The following RASSF3 variants were observed in gnomAD, a reference collection of about 807,000 sequenced individuals.
The protein encoded by RASSF3 is Ras association domain family member 3.
In RASSF3, 19 loss-of-function variants were observed where a neutral mutation model predicts 19.9. That is an observed-to-expected ratio of 0.96 (90% CI 0.67 to 1.40). RASSF3 has a LOEUF of 1.40. Ranked by LOEUF, RASSF3 falls within the 40% of genes most tolerant of loss-of-function variation. The pLI is 0.00. For missense variants in RASSF3, 306 were observed against 289.8 expected, an observed-to-expected ratio of 1.06 and a Z score of -0.41; for synonymous variants, 110 against 104.2, an observed-to-expected ratio of 1.06 and a Z score of -0.34.
intron 2 of RASSF3, among the ~76,000 whole-genome samples, chr12:64,562,593 C>A (rs926118642): frequency 2.0e-5 from 3 of 151,580 alleles, no homozygotes; most frequent in African/African-American, 7.3e-5. Context: ...ACTGGGGAAA[C>A]TTCCTCTATT....
chr12:64,585,488 A>G (rs1208599136), intron 2 of RASSF3, among the ~76,000 whole-genome samples: 1 of 151,976 alleles, frequency 6.6e-6, no homozygotes, highest in Non-Finnish European at 1.5e-5. Flanking sequence ...CAGCACTATG[A>G]TTTGACACAA....
Position 64,572,157 on chromosome 12 carries a change from A to G in RASSF3, c.294+30452A>G, listed in dbSNP as rs1158622553. On this transcript the variant is annotated intron_variant, in intron 2 of 5. Transcript: ENST00000637125. ...ATTATTTATGTCTTCTTATTAGACT[A>G]TGCTATGAGCTGAATCGTGTTCCCC... Among the ~76,000 whole-genome samples the G allele has an allele frequency of 2.0e-5, 3 of 152,156 alleles. No homozygotes were observed. In the East Asian group the frequency reaches 5.8e-4, roughly 29 times the overall value.
At position 64,642,559 on chromosome 12, in the gene RASSF3, C is replaced by CA. The variant is rs67771603; in HGVS notation, c.111+31845dup. Among the ~76,000 whole-genome samples, 300 of 44,014 alleles carry CA rather than the reference C, an allele frequency of 6.8e-3. 27 individuals carry two copies. Among genetic ancestry groups the CA allele is most frequent in the East Asian group, 8.9e-3 (11 of 1,236 alleles). The allele number at this position is 44,014 out of a possible 152,430, so 28.9% of individuals were successfully genotyped here. A position where few individuals can be genotyped will look rare whatever the true frequency, so the allele number is the denominator to read the frequency against. ...TGGGCGACAGAACGAGACTCCATCTCAAAAAAAAAAAAAAAAAAAAAAAAA... is the reference window on the plus strand; with the variant it reads ...TGGGCGACAGAACGAGACTCCATCTCAAAAAAAAAAAAAAAAAAAAAAAAAA... On this transcript the variant is annotated intron_variant, in intron 1 of 4. Transcript: ENST00000542104.
At chr12:64,604,000 A>G (rs1228078237) in intron 2 of RASSF3, among the ~76,000 whole-genome samples, 1 of 152,300 alleles carries the variant, frequency 6.6e-6, no homozygotes. Context: ...GGCATACGCC[A>G]CCACGCCCAG....
intron 1 of RASSF3, among the ~76,000 whole-genome samples, chr12:64,624,578 C>T (rs916809025): frequency 4.0e-5 from 6 of 151,370 alleles, no homozygotes; most frequent in African/African-American, 1.2e-4. Flanking sequence ...CCTGGCAAAT[C>T]GTTGTACCTC....
intron 2 of RASSF3, among the ~76,000 whole-genome samples, chr12:64,552,552 G>T (rs1869183087): frequency 6.6e-6 from 1 of 152,096 alleles, no homozygotes; most frequent in Admixed American, 6.5e-5. Flanking sequence ...ACAGGCCCCA[G>T]TGTGTGTTGT....
chr12:64,529,125 T>C (rs1417262870), upstream of RASSF3, among the ~76,000 whole-genome samples: 1 of 152,248 alleles, frequency 6.6e-6, no homozygotes, highest in Admixed American at 6.5e-5. Flanking sequence ...TAACCACAGC[T>C]TCAATGTATT....
intron 2 of RASSF3, among the ~76,000 whole-genome samples, chr12:64,576,517 T>C (rs1205407705): frequency 6.6e-6 from 1 of 152,032 alleles, no homozygotes; most frequent in Non-Finnish European, 1.5e-5. Flanking sequence ...AACCACTAAT[T>C]ACAAAGGAAG....
At chr12:64,637,427 T>C (rs4964094) in intron 1 of RASSF3, among the ~76,000 whole-genome samples, 27,299 of 145,650 alleles carry the variant, frequency 0.19, 2,638 homozygotes, top group African/African-American at 0.28. Flanking sequence ...TTCTTTCTTT[T>C]TTTTTTTTTT....
At chr12:64,658,696 G>C (rs1872242982) in intron 1 of RASSF3, among the ~76,000 whole-genome samples, 2 of 152,190 alleles carry the variant, frequency 1.3e-5, no homozygotes, top group South Asian at 4.1e-4. Flanking sequence ...AGCCACTTGG[G>C]AGGCTGAGGC....
At chr12:64,513,342 C>T (rs1401830258) in intron 1 of RASSF3, among the ~76,000 whole-genome samples, 1 of 151,494 alleles carries the variant, frequency 6.6e-6, no homozygotes, top group African/African-American at 2.4e-5. Context: ...CCCAGCTACT[C>T]AGGAGGCTGA....
chr12:64,641,416 G>A (rs58745444), intron 1 of RASSF3, among the ~76,000 whole-genome samples: 45,086 of 126,106 alleles, frequency 0.36, 7,158 homozygotes, highest in Non-Finnish European at 0.4. Flanking sequence ...ACACACACAC[G>A]CGCGCGCGCG....
chr12:64,583,134 G>A (rs938380435), intron 2 of RASSF3, among the ~76,000 whole-genome samples: 1 of 152,082 alleles, frequency 6.6e-6, no homozygotes, highest in Admixed American at 6.6e-5. Flanking sequence ...AGGTACCTGA[G>A]GACCCTTCAC....
At position 64,521,240 on chromosome 12, in the gene RASSF3, T is replaced by G. The variant is rs1178124903; in HGVS notation, c.169+13911T>G. Among the ~76,000 whole-genome samples the G allele has an allele frequency of 2.6e-5, 4 of 152,290 alleles. No individual in the cohort carries two copies. The East Asian group carries it at 7.7e-4, about 29-fold the overall frequency. ...GTAGTGATGTCCAGTTGTGCCCCTG[T>G]AGCAGGTGTGCTCCTAAAGTGGACA... On this transcript the variant is annotated intron_variant, in intron 1 of 5. Transcript: ENST00000637125.
intron 4 of RASSF3, among the ~76,000 whole-genome samples, chr12:64,692,057 C>T (rs1440679237): frequency 2.0e-5 from 3 of 152,138 alleles, no homozygotes; most frequent in African/African-American, 7.2e-5. Flanking sequence ...TTTTTTCCCC[C>T]TTGCCCAGTC....
intron 1 of RASSF3, chr12:64,515,737 C>A (rs9668493): frequency 1 from 151,604 of 152,214 alleles, 75,503 homozygotes; most frequent in East Asian, 1. Context: ...GTTGCCCAGC[C>A]AGGTCACGAA....
intron 1 of RASSF3, among the ~76,000 whole-genome samples, chr12:64,629,554 G>A (rs1329109884): frequency 6.6e-6 from 1 of 152,172 alleles, no homozygotes; most frequent in Non-Finnish European, 1.5e-5. Context: ...AAATTCTGTG[G>A]TGGATTTTTA....
intron 1 of RASSF3, among the ~76,000 whole-genome samples, chr12:64,660,354 T>C (rs1872312849): frequency 6.6e-6 from 1 of 152,170 alleles, no homozygotes; most frequent in South Asian, 2.1e-4. Context: ...TCATTAACCA[T>C]TTACATTCAG....
At chr12:64,550,400 C>T (rs954885644) in intron 2 of RASSF3, among the ~76,000 whole-genome samples, 3 of 152,026 alleles carry the variant, frequency 2.0e-5, no homozygotes, top group African/African-American at 7.2e-5. Flanking sequence ...CACAGTGCCC[C>T]ATGCCTGTAA....
Sources: allele counts gnomAD v4.1 joint callset (sites outside exome capture counted in the v4.1 genomes callset), GRCh38; gene constraint gnomAD v4.1.1; transcripts MANE v1.5; gene names NCBI Gene and HGNC (gene_info 2026-07-23, HGNC 2026-07-21).